IQCH: variants seen among roughly 807,000 people sequenced by gnomAD.
IQCH encodes IQ motif containing H, also known as IQ domain-containing protein H.
Under a neutral mutation model 117.0 loss-of-function variants are expected in IQCH, and 98 were observed. The observed-to-expected ratio is 0.84, with a 90% CI of 0.71 to 0.99. The LOEUF is 0.99. Ranked by LOEUF, IQCH falls within the 50% of genes least tolerant of loss-of-function variation. The pLI is 0.00. For synonymous variants in IQCH, 412 were observed against 448.2 expected (o/e 0.92, Z 1.02); for missense variants, 1,102 against 1,243.8 (o/e 0.89, Z 1.72).
At position 67,445,716 on chromosome 15, in the gene IQCH, C is replaced by T. The variant is rs1201405068; in HGVS notation, c.2506-19411C>T. 3.3e-5 allele frequency among the ~76,000 whole-genome samples: 5 copies of T among 152,174 alleles called. No individual in the cohort carries two copies. The highest frequency in any genetic ancestry group is 1.9e-4 in the East Asian group (1 of 5,194). On this transcript the variant is annotated intron_variant, in intron 16 of 20. Transcript: ENST00000335894. The surrounding 1 kb of genome is among the most constrained non-coding windows in gnomAD (Gnocchi z 4.3). ...CCTCCCAAAGTGCTGGGATAACAGGCGTGAGCCACCGCACCTGGCCTGTTT... is the reference window on the plus strand; with the variant it reads ...CCTCCCAAAGTGCTGGGATAACAGGTGTGAGCCACCGCACCTGGCCTGTTT...
At chr15:67,448,197 T>C (rs1019542869) in intron 16 of IQCH, among the ~76,000 whole-genome samples, 1 of 151,818 alleles carries the variant, frequency 6.6e-6, no homozygotes, top group Non-Finnish European at 1.5e-5. Flanking sequence ...TTTAGTGAGA[T>C]ACCATATACC....
rs2083107232 is a variant in IQCH at position 67,472,937 on chromosome 15, C to T, written c.2677-2759C>T. ...AAGAAGAAACCTCAGGGTAGCCTGC[C>T]CTTACATGTTGTCTAGTAATCATGT... On this transcript the variant is annotated intron_variant, in intron 17 of 20. Transcript: ENST00000335894. The surrounding 1 kb of genome is among the most constrained non-coding windows in gnomAD (Gnocchi z 4.3). Among the ~76,000 whole-genome samples the T allele has an allele frequency of 1.3e-5, 2 of 152,110 alleles. No individual in the cohort carries two copies. Among genetic ancestry groups the T allele is most frequent in the Non-Finnish European group, 2.9e-5 (2 of 68,020 alleles).
Position 67,395,346 on chromosome 15 carries a change from G to T in IQCH, c.1688G>T (p.Arg563Ile). Reference protein sequence around the residue: ...HLMYSPKAIKRIKNLIRGTEA... With the variant: ...HLMYSPKAIKIIKNLIRGTEA... ...ATGTACAGTCCCAAGGCAATCAAAA[G>T]AATAAAAAATCTCATCCGAGGAACA... is the stretch of plus-strand genomic sequence containing the variant. The change falls in exon 13 of 21, where the codon AGA becomes ATA. Residue 563 changes from arginine to isoleucine, a missense_variant. Around this residue, in one of 2 missense-constraint regions of IQCH, gnomAD observed 650 missense variants for 794.3 expected, o/e 0.82. Transcript: ENST00000335894. The surrounding 1 kb of genome is among the most constrained non-coding windows in gnomAD (Gnocchi z 4.0). 1 of 1,613,958 alleles carries T rather than the reference G, an allele frequency of 6.2e-7. No individual in the cohort carries two copies.
chr15:67,464,159 G>T (rs531636131), intron 16 of IQCH, among the ~76,000 whole-genome samples: 2 of 152,308 alleles, frequency 1.3e-5, no homozygotes, highest in East Asian at 3.9e-4. Flanking sequence ...CAGGGCCTAT[G>T]CCTATTTACC....
intron 4 of IQCH, among the ~76,000 whole-genome samples, chr15:67,279,965 G>A (rs531206027): frequency 5.3e-4 from 80 of 152,012 alleles, no homozygotes; most frequent in South Asian, 1.0e-3. Context: ...TCAGTGAGCC[G>A]AGATTGTGCC....
intron 4 of IQCH, among the ~76,000 whole-genome samples, chr15:67,296,181 A>C (rs950826244): frequency 7.2e-5 from 11 of 152,218 alleles, no homozygotes; most frequent in Admixed American, 6.5e-4. Context: ...TGTTTGAATG[A>C]ATGAATGAAT....
At position 67,417,886 on chromosome 15, in the gene IQCH, C is replaced by T. The variant is rs1412154183; in HGVS notation, c.2218+835C>T. On this transcript the variant is annotated intron_variant, in intron 15 of 20. Transcript: ENST00000335894. This position sits in a 1 kb window ranked among gnomAD's most constrained non-coding sequence, Gnocchi z 4.3. ...TGCTGTCAAGTGATAATAATAATCT[C>T]AGCAATAATCAATAATGATAAGATA... Among the ~76,000 whole-genome samples, 1 of 152,114 alleles carries T rather than the reference C, an allele frequency of 6.6e-6. No individual in the cohort carries two copies. The highest frequency in any genetic ancestry group is 2.4e-5 in the African/African-American group (1 of 41,420).
chr15:67,484,268 C>T (rs576183444), intron 18 of IQCH, among the ~76,000 whole-genome samples: 4 of 151,842 alleles, frequency 2.6e-5, no homozygotes, highest in Admixed American at 6.6e-5. Flanking sequence ...TAGCAGGGCA[C>T]GGTGGCACAC....
In IQCH at chr15:67,401,209, T is replaced by C. The variant is rs12907218; in HGVS notation, c.2097+904T>C. 1.8e-4 allele frequency among the ~76,000 whole-genome samples: 27 copies of C among 152,360 alleles called. No individual in the cohort carries two copies. Among genetic ancestry groups the C allele is most frequent in the Admixed American group, 4.6e-4 (7 of 15,304 alleles). ...AATGGACGTGTATAGATTTTTTCCA[T>C]GCACATTTGTGAAGGGATGAATCGT... On this transcript the variant is annotated intron_variant, in intron 14 of 20. Coordinates refer to ENST00000335894, the MANE Select transcript of IQCH (RefSeq NM_001031715.3). This position sits in a 1 kb window ranked among gnomAD's most constrained non-coding sequence, Gnocchi z 4.7.
At chr15:67,291,892 AC>A (rs1966763609) in intron 4 of IQCH, among the ~76,000 whole-genome samples, 1 of 151,980 alleles carries the variant, frequency 6.6e-6, no homozygotes, top group Admixed American at 6.6e-5. Flanking sequence ...GCTTCTAAAA[AC>A]CCTTTTTGTA....
intron 20 of IQCH, among the ~76,000 whole-genome samples, chr15:67,495,573 G>A (rs952734382): frequency 2.0e-5 from 3 of 152,144 alleles, no homozygotes; most frequent in African/African-American, 7.2e-5. Context: ...AAAACTTTGA[G>A]CCTCTCTGCA....
chr15:67,421,630 C>T, intron 16 of IQCH, 53 bp downstream of exon 16: 1 of 1,537,570 alleles, frequency 6.5e-7, no homozygotes, highest in Non-Finnish European at 8.9e-7. Context: ...GACTCCGCAC[C>T]CTACACACCT....
At chr15:67,297,563 A>C (rs1387858499) in intron 4 of IQCH, among the ~76,000 whole-genome samples, 4 of 152,134 alleles carry the variant, frequency 2.6e-5, no homozygotes. Context: ...TTTCTCTTGC[A>C]AACATCCTTG....
intron 4 of IQCH, among the ~76,000 whole-genome samples, chr15:67,312,266 A>G (rs931086852): frequency 1.3e-5 from 2 of 152,250 alleles, no homozygotes; most frequent in South Asian, 4.1e-4. Context: ...TTTAGGGTAC[A>G]GGGGTCTATG....
intron 4 of IQCH, among the ~76,000 whole-genome samples, chr15:67,309,181 G>A (rs1967461632): frequency 6.6e-6 from 1 of 152,036 alleles, no homozygotes; most frequent in Admixed American, 6.6e-5. Context: ...ACTTAACAAA[G>A]GTCCTGGTAC....
intron 8 of IQCH, among the ~76,000 whole-genome samples, chr15:67,367,744 A>G (rs1970386261): frequency 6.6e-6 from 1 of 152,028 alleles, no homozygotes; most frequent in Non-Finnish European, 1.5e-5. Flanking sequence ...TAGGGTGGGG[A>G]AGAGAAAACA....
At chr15:67,317,516 G>T (rs1967905654) in intron 4 of IQCH, among the ~76,000 whole-genome samples, 1 of 151,900 alleles carries the variant, frequency 6.6e-6, no homozygotes, top group Non-Finnish European at 1.5e-5. Flanking sequence ...CCCTCTTTTT[G>T]TCCATGATAA....
In IQCH at chr15:67,416,139, T is replaced by G. The variant is rs1275405467; in HGVS notation, c.2098-792T>G. Among the ~76,000 whole-genome samples the G allele has an allele frequency of 6.6e-6, 1 of 152,104 alleles. No individual in the cohort carries two copies. The highest frequency in any genetic ancestry group is 6.5e-5 in the Admixed American group (1 of 15,272). ...GGCTCACACCTGTAATCCCAACACT[T>G]TGGGAGGCCAAGGCGGGTGGATCAC... On this transcript the variant is annotated intron_variant, in intron 14 of 20. Transcript: ENST00000335894. The surrounding 1 kb of genome is among the most constrained non-coding windows in gnomAD (Gnocchi z 5.1).
chr15:67,421,115 C>T, intron 15 of IQCH, 176 bp from the exon 16 acceptor site: 1 of 608,974 alleles, frequency 1.6e-6, no homozygotes, highest in East Asian at 2.8e-5. Context: ...CTCCAAGATG[C>T]ACAACAATCT....
Sources: allele counts gnomAD v4.1 joint callset (sites outside exome capture counted in the v4.1 genomes callset), GRCh38; gene constraint gnomAD v4.1.1; regional missense constraint gnomAD v4.1.1; non-coding constraint Gnocchi (gnomAD v3.1); transcripts MANE v1.5; gene names NCBI Gene and HGNC (gene_info 2026-07-23, HGNC 2026-07-21).